Variants in SLC16A12 observed in about 807,000 individuals in gnomAD.
The protein encoded by SLC16A12 is monocarboxylate transporter 12.
Under a neutral mutation model 42.4 loss-of-function variants are expected in SLC16A12, and 17 were observed. That is an observed-to-expected ratio of 0.40 (90% CI 0.27 to 0.60). The LOEUF (loss-of-function observed/expected upper bound fraction) is 0.60. SLC16A12 is among the 20% of genes least tolerant of loss of function. The pLI is 0.42. For synonymous variants in SLC16A12, 224 were observed against 229.4 expected, an observed-to-expected ratio of 0.98 and a Z score of 0.21; for missense variants, 544 against 623.0, an observed-to-expected ratio of 0.87 and a Z score of 1.35.
chr10:89,465,482 A>G (rs913194125), intron 2 of SLC16A12, among the ~76,000 whole-genome samples: 4 of 152,156 alleles, frequency 2.6e-5, no homozygotes, highest in Admixed American at 6.5e-5. Flanking sequence ...TCAGAGCAAA[A>G]CTAACCCTCT....
chr10:89,538,964 G>A (rs1276534193), upstream of SLC16A12, among the ~76,000 whole-genome samples: 1 of 152,112 alleles, frequency 6.6e-6, no homozygotes, highest in Non-Finnish European at 1.5e-5. Context: ...ATCCTCCACT[G>A]TCCTCCAGGT....
intron 2 of SLC16A12, among the ~76,000 whole-genome samples, chr10:89,554,449 C>T (rs1843795664): frequency 1.3e-5 from 2 of 152,300 alleles, no homozygotes; most frequent in South Asian, 2.1e-4. Flanking sequence ...GGACAGGAGA[C>T]CTCATCTACA....
rs34798090 is a variant in SLC16A12 at position 89,431,003 on chromosome 10, ATT to A, written c.*2059_*2060del. 4.3e-3 allele frequency: 1,098 copies of A among 253,250 alleles called. No individual in the cohort carries two copies. The highest frequency in any genetic ancestry group is 0.012 in the East Asian group (86 of 7,284). 15.7% of individuals were successfully genotyped at this position (253,250 alleles called of 1,614,324 possible). On this transcript the variant is annotated 3_prime_UTR_variant, in exon 8 of 8. Coordinates refer to ENST00000371790, the MANE Select transcript of SLC16A12 (RefSeq NM_213606.4). ...TTTGACATTTTACAGATACCTTCCA[ATT>A]TTTTTTTTTTGAGATGGAGTCTTGC...
chr10:89,536,887 G>T (rs750104939), upstream of SLC16A12, among the ~76,000 whole-genome samples: 1 of 152,138 alleles, frequency 6.6e-6, no homozygotes, highest in Non-Finnish European at 1.5e-5. Flanking sequence ...GCCCAGGCTG[G>T]AGTGCAGTGG....
At chr10:89,535,281 C>T (rs1420144530) in intron 1 of SLC16A12, among the ~76,000 whole-genome samples, 161 bp downstream of exon 1, 2 of 152,194 alleles carry the variant, frequency 1.3e-5, no homozygotes, top group Non-Finnish European at 2.9e-5. Flanking sequence ...CCTCCCAACC[C>T]AAGCTGCGCG....
At chr10:89,514,664 C>T (rs1372553984) in intron 2 of SLC16A12, among the ~76,000 whole-genome samples, 1 of 152,202 alleles carries the variant, frequency 6.6e-6, no homozygotes. Flanking sequence ...TTCTCAAAGG[C>T]CCCACTTCCA....
chr10:89,462,538 A>G lies in SLC16A12; in HGVS notation c.41T>C (p.Ile14Thr). Residue 14 changes from isoleucine to threonine, a missense_variant, in exon 3 of 8, where the codon ATC becomes ACC. Coordinates refer to ENST00000371790, the MANE Select transcript of SLC16A12 (RefSeq NM_213606.4). Reference protein sequence around the residue: ...GSHWTANSSKIITWLLEQPGK... With the variant: ...GSHWTANSSKTITWLLEQPGK... ...AGGTTGCTCCAACAGCCAAGTTATG[A>G]TCTTGGAAGAGTTTGCTGTCCAGTG... The G allele has an allele frequency of 6.2e-7, 1 of 1,612,774 alleles. No individual in the cohort carries two copies. Among genetic ancestry groups the G allele is most frequent in the Non-Finnish European group, 8.5e-7 (1 of 1,179,772 alleles).
At chr10:89,472,884 C>A (rs1477312489) in intron 2 of SLC16A12, among the ~76,000 whole-genome samples, 1 of 152,048 alleles carries the variant, frequency 6.6e-6, no homozygotes, top group African/African-American at 2.4e-5. Context: ...GTGGCGCTAT[C>A]ATGGCTCACT....
In SLC16A12 at chr10:89,455,308, T is replaced by A. The variant is rs142974945; in HGVS notation, c.200+7071A>T. Among the ~76,000 whole-genome samples, 460 of 152,316 alleles carry A rather than the reference T, an allele frequency of 3.0e-3. 2 individuals are homozygous for A. The highest frequency in any genetic ancestry group is 0.01 in the African/African-American group (422 of 41,568). On this transcript the variant is annotated intron_variant, in intron 3 of 7. Coordinates refer to ENST00000371790, the MANE Select transcript of SLC16A12 (RefSeq NM_213606.4). ...CACTAAATTGTTTTGGGGAACTTAG[T>A]AGTGTAACCATGTCTGTCCCTTGTC...
At chr10:89,472,339 AAAAGAGAG>A (rs1262452024) in intron 2 of SLC16A12, among the ~76,000 whole-genome samples, 1 of 152,084 alleles carries the variant, frequency 6.6e-6, no homozygotes, top group African/African-American at 2.4e-5. Context: ...AAAGGCCTAA[AAAAGAGAG>A]AAAGAGAGAT....
intron 3 of SLC16A12, among the ~76,000 whole-genome samples, chr10:89,450,302 C>A (rs965210779): frequency 6.6e-6 from 1 of 152,184 alleles, no homozygotes; most frequent in Non-Finnish European, 1.5e-5. Context: ...TATAAAGACA[C>A]ATGTGCACGT....
At chr10:89,452,125 C>A (rs867894079) in intron 3 of SLC16A12, among the ~76,000 whole-genome samples, 1 of 152,140 alleles carries the variant, frequency 6.6e-6, no homozygotes, top group African/African-American at 2.4e-5. Flanking sequence ...AGGGTGATGG[C>A]ATAGAAGGAA....
chr10:89,461,445 T>C (rs1420799340), intron 3 of SLC16A12, among the ~76,000 whole-genome samples: 5 of 152,230 alleles, frequency 3.3e-5, no homozygotes, highest in African/African-American at 1.2e-4. Context: ...TTATCCTTTC[T>C]GGGATGAATA....
intron 2 of SLC16A12, among the ~76,000 whole-genome samples, chr10:89,554,091 A>AGAAGGAAGGAAGGAAGGAAG (rs1843790662): frequency 1.2e-4 from 3 of 25,108 alleles, no homozygotes; most frequent in African/African-American, 4.7e-4. Flanking sequence ...AAAGAAAGAA[A>AGAAGGAAGGAAGGAAGGAAG]GAAAGAAAGA....
chr10:89,520,578 G>A (rs1404265268), intron 2 of SLC16A12, among the ~76,000 whole-genome samples: 1 of 152,132 alleles, frequency 6.6e-6, no homozygotes, highest in Admixed American at 6.5e-5. Flanking sequence ...AAAGCATCGA[G>A]TGTTTTAAAA....
chr10:89,532,420 G>A (rs1015997513), intron 2 of SLC16A12, among the ~76,000 whole-genome samples: 1 of 152,162 alleles, frequency 6.6e-6, no homozygotes, highest in Non-Finnish European at 1.5e-5. Context: ...GTCCTTTGAT[G>A]TAGAGCACAT....
At chr10:89,434,019 A>T (rs575334929) in intron 7 of SLC16A12, among the ~76,000 whole-genome samples, 2 of 152,326 alleles carry the variant, frequency 1.3e-5, no homozygotes, top group Non-Finnish European at 2.9e-5. Flanking sequence ...TATAATTAAC[A>T]AAGGTTTTTT....
intron 2 of SLC16A12, chr10:89,467,948 T>C (rs546127547): frequency 3.9e-5 from 6 of 152,320 alleles, no homozygotes; most frequent in African/African-American, 1.4e-4. Flanking sequence ...ATGTTCTGTT[T>C]CTTTACAAAA....
chr10:89,479,014 T>C (rs1425428088), intron 2 of SLC16A12, among the ~76,000 whole-genome samples: 1 of 152,238 alleles, frequency 6.6e-6, no homozygotes, highest in African/African-American at 2.4e-5. Flanking sequence ...TGTTCAGCCC[T>C]GACTCTACCT....
Sources: allele counts gnomAD v4.1 joint callset (sites outside exome capture counted in the v4.1 genomes callset), GRCh38; gene constraint gnomAD v4.1.1; transcripts MANE v1.5; gene names NCBI Gene and HGNC (gene_info 2026-07-23, HGNC 2026-07-21).